The following AFG2A variants were observed in gnomAD, a reference collection of about 807,000 sequenced individuals.
The protein encoded by AFG2A is AAA ATPase AFG2A.
chr4:122,947,265 G>A, the AFG2A span: 7 of 1,610,148 alleles, frequency 4.3e-6, no homozygotes, highest in Non-Finnish European at 5.1e-6. Context: ...TGGTTCTTGG[G>A]GCCACAAATC....
chr4:123,274,611 T>C, the AFG2A span, among the ~76,000 whole-genome samples: 1 of 151,308 alleles, frequency 6.6e-6, no homozygotes, highest in Non-Finnish European at 1.5e-5. Flanking sequence ...AAAAAAAACC[T>C]ATCATATCCT....
chr4:123,212,725 G>T, the AFG2A span, among the ~76,000 whole-genome samples: 432 of 152,246 alleles, frequency 2.8e-3, 2 homozygotes, highest in Non-Finnish European at 4.7e-3. Context: ...GCTTTCACCT[G>T]GAGAGCCGTT....
chr4:122,968,404 A>G, the AFG2A span, among the ~76,000 whole-genome samples: 2 of 152,208 alleles, frequency 1.3e-5, no homozygotes, highest in African/African-American at 4.8e-5. Flanking sequence ...ACAGAGCATT[A>G]CTAGCTTCCT....
the AFG2A span, among the ~76,000 whole-genome samples, chr4:123,300,774 G>A: frequency 6.8e-6 from 1 of 148,030 alleles, no homozygotes; most frequent in Non-Finnish European, 1.5e-5. Context: ...TTTAGTAGAT[G>A]AAAATAAGAC....
the AFG2A span, among the ~76,000 whole-genome samples, chr4:123,245,563 T>C: frequency 0.024 from 3,582 of 152,236 alleles, 72 homozygotes; most frequent in African/African-American, 0.056. Context: ...GCTAATAAAA[T>C]AACTTAAGTA....
At chr4:122,959,901 C>T in the AFG2A span, among the ~76,000 whole-genome samples, 1 of 152,122 alleles carries the variant, frequency 6.6e-6, no homozygotes, top group Admixed American at 6.6e-5. Flanking sequence ...ATTGGAAGCA[C>T]TACAATAGGA....
chr4:123,007,381 T>C, the AFG2A span, among the ~76,000 whole-genome samples: 1 of 151,706 alleles, frequency 6.6e-6, no homozygotes. Context: ...TTTTCTTTGG[T>C]CTTGTGTGTT....
At chr4:123,035,574 T>G in the AFG2A span, among the ~76,000 whole-genome samples, 2 of 152,168 alleles carry the variant, frequency 1.3e-5, no homozygotes, top group African/African-American at 4.8e-5. Flanking sequence ...CATTGTCAGT[T>G]TTACAAGGTT....
At chr4:123,152,744 C>T in the AFG2A span, among the ~76,000 whole-genome samples, 17 of 152,272 alleles carry the variant, frequency 1.1e-4, no homozygotes, top group Middle Eastern at 3.4e-3. Context: ...CCAACAGTTG[C>T]GCTCCTTGGT....
At chr4:123,241,075 T>G in the AFG2A span, among the ~76,000 whole-genome samples, 3 of 152,298 alleles carry the variant, frequency 2.0e-5, no homozygotes, top group East Asian at 5.8e-4. Context: ...CTCCCAAGAC[T>G]AAACCAGGAA....
chr4:123,060,623 AG>A, the AFG2A span, among the ~76,000 whole-genome samples: 2 of 152,020 alleles, frequency 1.3e-5, no homozygotes, highest in African/African-American at 4.8e-5. Flanking sequence ...CAGCAGTGGC[AG>A]GGGGGGCCCT....
the AFG2A span, among the ~76,000 whole-genome samples, chr4:123,004,289 G>C: frequency 6.6e-6 from 1 of 152,162 alleles, no homozygotes; most frequent in Non-Finnish European, 1.5e-5. Flanking sequence ...GGCCTGCTTC[G>C]GCCGGCACAC....
the AFG2A span, among the ~76,000 whole-genome samples, chr4:122,995,038 C>T: frequency 6.6e-6 from 1 of 152,072 alleles, no homozygotes; most frequent in African/African-American, 2.4e-5. Context: ...CAGTACATTT[C>T]TGGTGCAAAG....
the AFG2A span, among the ~76,000 whole-genome samples, chr4:123,087,290 C>T: frequency 1.3e-5 from 2 of 152,078 alleles, no homozygotes; most frequent in African/African-American, 4.8e-5. Flanking sequence ...CTGTGAACTT[C>T]ACAATTTTCT....
At chr4:123,125,346 T>G in the AFG2A span, among the ~76,000 whole-genome samples, 1 of 152,212 alleles carries the variant, frequency 6.6e-6, no homozygotes. Context: ...CCATTTGCCA[T>G]GAACTTCCTT....
At chr4:123,200,614 C>T in the AFG2A span, among the ~76,000 whole-genome samples, 1 of 152,194 alleles carries the variant, frequency 6.6e-6, no homozygotes, top group South Asian at 2.1e-4. Flanking sequence ...TTTGGAATAG[C>T]TCTTTTCATT....
the AFG2A span, among the ~76,000 whole-genome samples, chr4:123,079,685 TCTTTA>T: frequency 6.6e-6 from 1 of 151,970 alleles, no homozygotes; most frequent in Non-Finnish European, 1.5e-5. Flanking sequence ...ATTTTTTATT[TCTTTA>T]CTTGACTCGA....
chr4:123,007,596 G>GTGTGT, the AFG2A span, among the ~76,000 whole-genome samples: 9 of 8,176 alleles, frequency 1.1e-3, no homozygotes, highest in Admixed American at 2.8e-3. Context: ...GTGTGTGTGT[G>GTGTGT]TGTGTGTGTG....
the AFG2A span, among the ~76,000 whole-genome samples, chr4:123,258,691 G>A: frequency 6.6e-6 from 1 of 151,916 alleles, no homozygotes; most frequent in African/African-American, 2.4e-5. Context: ...TTATTTAAGT[G>A]TATACTATTA....
Sources: allele counts gnomAD v4.1 joint callset (sites outside exome capture counted in the v4.1 genomes callset), GRCh38; gene constraint gnomAD v4.1.1; transcripts MANE v1.5; gene names NCBI Gene and HGNC (gene_info 2026-07-23, HGNC 2026-07-21).